PRKG1: variants seen among roughly 807,000 people sequenced by gnomAD.
PRKG1 encodes protein kinase cGMP-dependent 1.
Under a neutral mutation model 88.1 loss-of-function variants are expected in PRKG1, and 35 were observed. That is an observed-to-expected ratio of 0.40 (90% CI 0.30 to 0.53). The LOEUF (loss-of-function observed/expected upper bound fraction) is 0.53. Among genes scored for constraint, PRKG1 ranks in the 20% least tolerant of loss-of-function variants. PRKG1 has a pLI of 0.59. For missense variants in PRKG1, 540 were observed against 839.8 expected, an observed-to-expected ratio of 0.64 and a Z score of 4.41; for synonymous variants, 303 against 292.5, an observed-to-expected ratio of 1.04 and a Z score of -0.37.
chr10:51,838,612 C>G (rs1840188670), intron 4 of PRKG1, among the ~76,000 whole-genome samples: 1 of 152,156 alleles, frequency 6.6e-6, no homozygotes. Flanking sequence ...GACTAACTCC[C>G]TGGGGCTGAA....
At chr10:51,506,989 A>T (rs1421703302) in intron 3 of PRKG1, among the ~76,000 whole-genome samples, 2 of 152,188 alleles carry the variant, frequency 1.3e-5, no homozygotes, top group African/African-American at 2.4e-5. Flanking sequence ...GGATTAGTTC[A>T]TGTCCTTTGT....
At chr10:51,966,046 A>G (rs1342131156) in intron 5 of PRKG1, among the ~76,000 whole-genome samples, 1 of 152,002 alleles carries the variant, frequency 6.6e-6, no homozygotes, top group Non-Finnish European at 1.5e-5. Context: ...TAATTATGTG[A>G]TTTTTAGTAC....
chr10:51,334,152 TTCTC>T (rs10568175), intron 2 of PRKG1, among the ~76,000 whole-genome samples: 22,718 of 136,830 alleles, frequency 0.17, 1,830 homozygotes, highest in African/African-American at 0.28. Context: ...CTCTCTCTCT[TTCTC>T]TCTCTCTCTC....
chr10:51,186,961 T>TAC (rs1564631501), intron 2 of PRKG1, among the ~76,000 whole-genome samples: 1 of 59,144 alleles, frequency 1.7e-5, no homozygotes, highest in African/African-American at 3.7e-5. Context: ...GTGTTATATA[T>TAC]ATATATATAT....
intron 4 of PRKG1, among the ~76,000 whole-genome samples, chr10:51,821,350 C>G (rs971661649): frequency 6.6e-6 from 1 of 151,986 alleles, no homozygotes; most frequent in Non-Finnish European, 1.5e-5. Context: ...CTTCATTTCT[C>G]TTAAGTATAT....
chr10:51,693,287 C>CAAAAAAAAA (rs762828746), intron 3 of PRKG1, among the ~76,000 whole-genome samples: 2 of 70,594 alleles, frequency 2.8e-5, no homozygotes, highest in African/African-American at 4.3e-5. Context: ...GACACCACCT[C>CAAAAAAAAA]AAAAAAAAAA....
At chr10:52,053,397 T>G (rs1310066206) in intron 5 of PRKG1, among the ~76,000 whole-genome samples, 2 of 152,212 alleles carry the variant, frequency 1.3e-5, no homozygotes, top group African/African-American at 4.8e-5. Context: ...GCACTTTATG[T>G]GTTAAGAAAA....
At chr10:51,838,956 C>T (rs1840199227) in intron 4 of PRKG1, among the ~76,000 whole-genome samples, 1 of 151,954 alleles carries the variant, frequency 6.6e-6, no homozygotes, top group Admixed American at 6.6e-5. Context: ...TGTATAATGG[C>T]ACATACATTT....
chr10:52,231,429 G>T (rs1435319075), intron 9 of PRKG1: 4 of 152,006 alleles, frequency 2.6e-5, no homozygotes, highest in Non-Finnish European at 5.9e-5. Context: ...AAGAGAGAGA[G>T]AGAGAGAGAA....
chr10:52,238,675 G>T (rs1205521856), intron 9 of PRKG1, among the ~76,000 whole-genome samples: 1 of 148,428 alleles, frequency 6.7e-6, no homozygotes, highest in East Asian at 2.4e-4. Context: ...GAAACAACAG[G>T]TGCTGGAGAG....
At chr10:51,646,203 ATCTTGACGC>A (rs1249479131) in intron 3 of PRKG1, among the ~76,000 whole-genome samples, 6 of 152,214 alleles carry the variant, frequency 3.9e-5, no homozygotes, top group Admixed American at 3.9e-4. Context: ...CAAGTCTTCA[ATCTTGACGC>A]TATTAGTACA....
At chr10:51,512,254 T>G (rs1189380418) in intron 3 of PRKG1, among the ~76,000 whole-genome samples, 4 of 150,202 alleles carry the variant, frequency 2.7e-5, no homozygotes, top group Non-Finnish European at 4.4e-5. Flanking sequence ...GCAGGTTAGT[T>G]ACATATGTAT....
chr10:51,950,261 A>G (rs1843151424), intron 5 of PRKG1, among the ~76,000 whole-genome samples: 3 of 152,216 alleles, frequency 2.0e-5, no homozygotes, highest in South Asian at 2.1e-4. Flanking sequence ...TAAACCCTGC[A>G]AAATATTTCT....
At chr10:52,013,322 G>A (rs1000413802) in intron 5 of PRKG1, among the ~76,000 whole-genome samples, 13 of 152,124 alleles carry the variant, frequency 8.5e-5, no homozygotes, top group Non-Finnish European at 1.6e-4. Context: ...GGGAGGCTGC[G>A]GCAGGAGAAT....
chr10:51,767,426 G>T (rs1166161986), intron 3 of PRKG1, among the ~76,000 whole-genome samples: 1 of 152,104 alleles, frequency 6.6e-6, no homozygotes, highest in Non-Finnish European at 1.5e-5. Flanking sequence ...TATAGATAAA[G>T]GCTATCTGAT....
chr10:51,797,392 CTTTA>C (rs1482109279), intron 3 of PRKG1, among the ~76,000 whole-genome samples: 4 of 142,220 alleles, frequency 2.8e-5, no homozygotes, highest in South Asian at 2.2e-4. Context: ...TATTATATAT[CTTTA>C]TTATATTATT....
At chr10:51,495,341 C>T (rs1331637310) in intron 3 of PRKG1, among the ~76,000 whole-genome samples, 6 of 152,280 alleles carry the variant, frequency 3.9e-5, no homozygotes, top group South Asian at 4.1e-4. Flanking sequence ...GTGGTCTGCC[C>T]GCCTCGGCCT....
intron 2 of PRKG1, among the ~76,000 whole-genome samples, chr10:51,194,310 A>T (rs1400594945): frequency 2.0e-5 from 3 of 151,560 alleles, no homozygotes; most frequent in Non-Finnish European, 4.4e-5. Context: ...ACATAGGTAT[A>T]CATGTGCCAT....
At chr10:51,457,792 A>G (rs112270981) in intron 2 of PRKG1, among the ~76,000 whole-genome samples, 1,962 of 152,188 alleles carry the variant, frequency 0.013, 12 homozygotes, top group Non-Finnish European at 0.018. Context: ...TTGACTGCCA[A>G]ATAGAGGATT....
Sources: allele counts gnomAD v4.1 joint callset (sites outside exome capture counted in the v4.1 genomes callset), GRCh38; gene constraint gnomAD v4.1.1; transcripts MANE v1.5; gene names NCBI Gene and HGNC (gene_info 2026-07-23, HGNC 2026-07-21).